Variants in LARGE1 observed in about 807,000 individuals in gnomAD.
LARGE1 encodes the protein LARGE xylosyl- and glucuronyltransferase 1, also known as xylosyl- and glucuronyltransferase LARGE1.
LARGE1 carries 43 observed loss-of-function variants against 87.6 expected under a neutral mutation model. The ratio of observed to expected loss-of-function variants is 0.49; its 90% CI spans 0.38 to 0.63. The LOEUF (loss-of-function observed/expected upper bound fraction) is 0.63. Ranked by LOEUF, LARGE1 falls within the 30% of genes least tolerant of loss-of-function variation. LARGE1 has a pLI of 0.00. For synonymous variants in LARGE1, 434 were observed against 394.6 expected, an observed-to-expected ratio of 1.10 and a Z score of -1.18; for missense variants, 802 against 1,000.2, an observed-to-expected ratio of 0.80 and a Z score of 2.67.
the LARGE1 span, among the ~76,000 whole-genome samples, chr22:33,092,193 T>C: frequency 2.6e-5 from 4 of 152,092 alleles, no homozygotes; most frequent in Admixed American, 1.3e-4. Context: ...CCACCGTGCA[T>C]GGCCCTATGC....
intron 6 of LARGE1, among the ~76,000 whole-genome samples, chr22:33,539,621 G>A (rs961031035): frequency 2.7e-5 from 4 of 146,958 alleles, no homozygotes; most frequent in South Asian, 2.1e-4. Context: ...ACAGGGTCTC[G>A]CTCCACTACC....
chr22:33,641,695 C>T (rs1003642209), intron 3 of LARGE1, among the ~76,000 whole-genome samples: 2 of 152,130 alleles, frequency 1.3e-5, no homozygotes, highest in African/African-American at 2.4e-5. Flanking sequence ...ACATCAATGA[C>T]CTGATGGAGC....
intron 6 of LARGE1, among the ~76,000 whole-genome samples, chr22:33,463,960 C>T (rs1158986830): frequency 6.6e-6 from 1 of 152,142 alleles, no homozygotes; most frequent in African/African-American, 2.4e-5. Context: ...AGGTGTGGGA[C>T]ACTGCACCCG....
intron 11 of LARGE1, among the ~76,000 whole-genome samples, chr22:33,187,414 C>A (rs149202997): frequency 6.6e-6 from 1 of 152,092 alleles, no homozygotes; most frequent in South Asian, 2.1e-4. Context: ...CATGATCTCA[C>A]TTATATGTGG....
intron 12 of LARGE1, among the ~76,000 whole-genome samples, chr22:33,290,904 T>C (rs1932422142): frequency 6.6e-6 from 1 of 152,036 alleles, no homozygotes; most frequent in African/African-American, 2.4e-5. Flanking sequence ...CTGGGTGTGG[T>C]GGTGCGTGTC....
chr22:33,124,395 A>AGGAAAGAAGGAAGGAAGGAAGGAAGG, the LARGE1 span, among the ~76,000 whole-genome samples: 2 of 148,038 alleles, frequency 1.4e-5, no homozygotes, highest in African/African-American at 5.0e-5. Flanking sequence ...GGAGGAAGGA[A>AGGAAAGAAGGAAGGAAGGAAGGAAGG]AATGATGGCT....
intron 9 of LARGE1, among the ~76,000 whole-genome samples, chr22:33,346,291 CCTCCTT>C (rs1939744248): frequency 6.7e-6 from 1 of 149,702 alleles, no homozygotes; most frequent in South Asian, 2.1e-4. Context: ...TCCTCCTCCT[CCTCCTT>C]CTTCTTTTTC....
intron 5 of LARGE1, among the ~76,000 whole-genome samples, chr22:33,574,370 A>C (rs2078290097): frequency 6.6e-6 from 1 of 152,184 alleles, no homozygotes; most frequent in Non-Finnish European, 1.5e-5. Flanking sequence ...TAAAATGTAA[A>C]AATTATGTAA....
chr22:33,204,166 G>A (rs1031221599), intron 11 of LARGE1, among the ~76,000 whole-genome samples: 2 of 152,084 alleles, frequency 1.3e-5, no homozygotes, highest in African/African-American at 4.8e-5. Flanking sequence ...GGAGAGGGGA[G>A]GAATAGAACT....
At chr22:33,785,751 G>C (rs545386660) in intron 1 of LARGE1, among the ~76,000 whole-genome samples, 6 of 152,250 alleles carry the variant, frequency 3.9e-5, no homozygotes, top group African/African-American at 1.4e-4. Context: ...TTCATTAGCA[G>C]CTGATGAACG....
In LARGE1 at chr22:33,643,033, T is replaced by C. The variant is rs1042912056; in HGVS notation, c.408+7334A>G. 2.0e-5 allele frequency among the ~76,000 whole-genome samples: 3 copies of C among 152,192 alleles called. No homozygotes were observed. The East Asian group carries it at 5.8e-4, about 29-fold the overall frequency. The stretch of plus-strand genomic sequence containing the variant: ...AATATTCAGGACTTGAACTCAGCTC[T>C]GGACCAAGTGGACTTAATAAATATC... On this transcript the variant is annotated intron_variant, in intron 3 of 14. Transcript: ENST00000397394.
chr22:33,896,970 T>C (rs1233380697), intron 1 of LARGE1, among the ~76,000 whole-genome samples: 2 of 152,140 alleles, frequency 1.3e-5, no homozygotes, highest in Non-Finnish European at 2.9e-5. Context: ...GAAACACACA[T>C]GCTGCCCTGG....
At chr22:33,694,945 A>G (rs1314556031) in intron 2 of LARGE1, among the ~76,000 whole-genome samples, 1 of 152,140 alleles carries the variant, frequency 6.6e-6, no homozygotes, top group Non-Finnish European at 1.5e-5. Flanking sequence ...GTGCTTAGTG[A>G]GCATCTTTAG....
At chr22:33,484,171 C>T (rs1051001013) in intron 6 of LARGE1, among the ~76,000 whole-genome samples, 3 of 152,128 alleles carry the variant, frequency 2.0e-5, no homozygotes, top group South Asian at 2.1e-4. Flanking sequence ...TTAAAAAATT[C>T]GTCAGCTACA....
At chr22:33,805,760 T>A (rs1162720071) in intron 1 of LARGE1, among the ~76,000 whole-genome samples, 1 of 87,170 alleles carries the variant, frequency 1.1e-5, no homozygotes, top group Non-Finnish European at 2.8e-5. Flanking sequence ...AGTAAATAAA[T>A]GAATAAATAA....
intron 7 of LARGE1, among the ~76,000 whole-genome samples, chr22:33,427,065 G>A (rs940809567): frequency 3.9e-5 from 6 of 152,196 alleles, no homozygotes; most frequent in East Asian, 1.9e-4. Context: ...ATATTCATCC[G>A]TCAGCTTAGG....
chr22:33,767,525 T>A (rs1338789769), intron 1 of LARGE1, among the ~76,000 whole-genome samples: 1 of 151,182 alleles, frequency 6.6e-6, no homozygotes, highest in Non-Finnish European at 1.5e-5. Context: ...AGTTAACATC[T>A]CTCGTGTCCT....
At chr22:33,834,342 C>T (rs1182720775) in intron 1 of LARGE1, among the ~76,000 whole-genome samples, 9 of 152,194 alleles carry the variant, frequency 5.9e-5, no homozygotes, top group South Asian at 2.1e-4. Context: ...TGCACGTATA[C>T]ATCCAAATGG....
chr22:33,248,147 A>C (rs1160248478), intron 11 of LARGE1, among the ~76,000 whole-genome samples: 3 of 152,126 alleles, frequency 2.0e-5, no homozygotes, highest in African/African-American at 7.2e-5. Flanking sequence ...AGAGAAAGAT[A>C]CAGAGAGTTT....
Sources: allele counts gnomAD v4.1 joint callset (sites outside exome capture counted in the v4.1 genomes callset), GRCh38; gene constraint gnomAD v4.1.1; transcripts MANE v1.5; gene names NCBI Gene and HGNC (gene_info 2026-07-23, HGNC 2026-07-21).